TMEM117: variants seen among roughly 807,000 people sequenced by gnomAD.
TMEM117 encodes transmembrane protein 117.
A neutral mutation model predicts 52.4 loss-of-function variants in TMEM117; 27 were observed. That is an observed-to-expected ratio of 0.51 (90% CI 0.38 to 0.71). TMEM117 has a LOEUF of 0.71. TMEM117 is among the 30% of genes least tolerant of loss of function. The pLI is 0.00. For synonymous variants in TMEM117, 215 were observed against 206.3 expected (o/e 1.04, Z -0.36); for missense variants, 556 against 630.5 (o/e 0.88, Z 1.26).
intron 3 of TMEM117, among the ~76,000 whole-genome samples, chr12:44,105,339 C>T (rs1055974553): frequency 6.6e-6 from 1 of 151,946 alleles, no homozygotes; most frequent in African/African-American, 2.4e-5. Flanking sequence ...TATCTCTCTG[C>T]TTACATTACA....
chr12:44,144,162 CTT>C (rs1300596880), intron 4 of TMEM117, among the ~76,000 whole-genome samples: 3 of 152,090 alleles, frequency 2.0e-5, no homozygotes, highest in African/African-American at 4.8e-5. Context: ...CTTTTAATCT[CTT>C]TTGTATTTTC....
At chr12:43,907,617 ATAAC>A (rs1168990827) in intron 2 of TMEM117, among the ~76,000 whole-genome samples, 1 of 148,082 alleles carries the variant, frequency 6.8e-6, no homozygotes, top group African/African-American at 2.4e-5. Context: ...AGAAGAATGT[ATAAC>A]TAGAATAACC....
chr12:43,913,187 C>T (rs1325749252), intron 2 of TMEM117, among the ~76,000 whole-genome samples: 1 of 152,116 alleles, frequency 6.6e-6, no homozygotes. Flanking sequence ...GAAGCTCATT[C>T]ATGAACTGTC....
chr12:44,058,143 ATT>A (rs113163881), intron 3 of TMEM117, among the ~76,000 whole-genome samples: 3 of 149,716 alleles, frequency 2.0e-5, no homozygotes, highest in African/African-American at 4.9e-5. Flanking sequence ...TAGAAAATAG[ATT>A]TTTTTTTTTC....
intron 3 of TMEM117, among the ~76,000 whole-genome samples, chr12:44,058,705 TGAA>T (rs2137947616): frequency 6.6e-6 from 1 of 152,332 alleles, no homozygotes; most frequent in East Asian, 1.9e-4. Flanking sequence ...ATTGTGAATA[TGAA>T]GAAGATGAAA....
intron 6 of TMEM117, among the ~76,000 whole-genome samples, chr12:44,358,325 AATT>A (rs1438926822): frequency 1.3e-5 from 2 of 152,152 alleles, no homozygotes; most frequent in Non-Finnish European, 2.9e-5. Context: ...TAAAAGTTGA[AATT>A]AATTTTAAAA....
At chr12:44,346,941 A>ATTT (rs1182009352) in intron 6 of TMEM117, among the ~76,000 whole-genome samples, 2 of 152,024 alleles carry the variant, frequency 1.3e-5, no homozygotes, top group Non-Finnish European at 2.9e-5. Context: ...AGAAAAGCTA[A>ATTT]TTTTTCTAGG....
intron 4 of TMEM117, among the ~76,000 whole-genome samples, chr12:44,188,595 C>A (rs1241345688): frequency 6.6e-6 from 1 of 152,020 alleles, no homozygotes; most frequent in Non-Finnish European, 1.5e-5. Flanking sequence ...GCTCCTACTG[C>A]TCTGTTTTTT....
chr12:44,366,661 A>G (rs559614674), intron 6 of TMEM117, among the ~76,000 whole-genome samples: 2 of 152,214 alleles, frequency 1.3e-5, no homozygotes, highest in South Asian at 4.1e-4. Context: ...TAAAGGTTTT[A>G]CTTTCTGTTA....
intron 3 of TMEM117, among the ~76,000 whole-genome samples, chr12:44,092,821 C>T (rs1016131151): frequency 6.6e-6 from 1 of 152,194 alleles, no homozygotes; most frequent in African/African-American, 2.4e-5. Context: ...ACAAGGCAGA[C>T]ATAACTCCTG....
chr12:43,912,842 G>C (rs1182992841), intron 2 of TMEM117, among the ~76,000 whole-genome samples: 1 of 151,978 alleles, frequency 6.6e-6, no homozygotes, highest in Non-Finnish European at 1.5e-5. Flanking sequence ...AAACTACACA[G>C]TTTAGGCATC....
the TMEM117 span, among the ~76,000 whole-genome samples, chr12:43,819,556 C>T: frequency 6.6e-6 from 1 of 152,042 alleles, no homozygotes; most frequent in Non-Finnish European, 1.5e-5. Context: ...AGGCGGATCA[C>T]GAGGTCAAGA....
At chr12:44,114,026 T>G (rs1948086120) in intron 3 of TMEM117, among the ~76,000 whole-genome samples, 1 of 147,712 alleles carries the variant, frequency 6.8e-6, no homozygotes, top group Admixed American at 6.7e-5. Context: ...CCTGACCCCT[T>G]GCGCTTCCCA....
At chr12:44,168,875 C>G (rs973311596) in intron 4 of TMEM117, among the ~76,000 whole-genome samples, 1 of 152,154 alleles carries the variant, frequency 6.6e-6, no homozygotes, top group South Asian at 2.1e-4. Context: ...ATCCTCCCCT[C>G]AGCCACTGGC....
intron 1 of TMEM117, among the ~76,000 whole-genome samples, chr12:43,842,739 C>T (rs560444995): frequency 6.6e-6 from 1 of 152,066 alleles, no homozygotes; most frequent in East Asian, 1.9e-4. Context: ...CACACACACA[C>T]ACGTGCACGC....
chr12:43,958,997 C>G (rs746130150), intron 3 of TMEM117, among the ~76,000 whole-genome samples: 1 of 151,938 alleles, frequency 6.6e-6, no homozygotes, highest in Non-Finnish European at 1.5e-5. Context: ...TTAATAGAGA[C>G]GGGGTTTCAC....
chr12:44,042,783 CACACACACACACACACACACACACA>C (rs1361119752), intron 3 of TMEM117, among the ~76,000 whole-genome samples: 1 of 150,964 alleles, frequency 6.6e-6, no homozygotes, highest in Non-Finnish European at 1.5e-5. Flanking sequence ...CACACACACA[CACACACACACACACACACACACACA>C]CTTATTAGTT....
At chr12:44,344,252 C>A (rs1423549446) in intron 6 of TMEM117, among the ~76,000 whole-genome samples, 1 of 151,852 alleles carries the variant, frequency 6.6e-6, no homozygotes, top group African/African-American at 2.4e-5. Context: ...TTTTTATATC[C>A]CTAGAGGAGA....
intron 4 of TMEM117, among the ~76,000 whole-genome samples, chr12:44,149,139 G>C (rs1374303995): frequency 1.3e-5 from 2 of 152,200 alleles, no homozygotes; most frequent in Admixed American, 1.3e-4. Context: ...AGAGTATAAA[G>C]AAAAGATTGA....
Sources: allele counts gnomAD v4.1 joint callset (sites outside exome capture counted in the v4.1 genomes callset), GRCh38; gene constraint gnomAD v4.1.1; transcripts MANE v1.5; gene names NCBI Gene and HGNC (gene_info 2026-07-23, HGNC 2026-07-21).